The following AQP8 variants were observed in gnomAD, a reference collection of about 807,000 sequenced individuals.
The protein encoded by AQP8 is aquaporin-8.
Under a neutral mutation model 26.1 loss-of-function variants are expected in AQP8, and 14 were observed. The observed-to-expected ratio is 0.54, with a 90% CI of 0.35 to 0.84. AQP8 has a LOEUF of 0.84. AQP8 is among the 40% of genes least tolerant of loss of function. The probability of loss-of-function intolerance (pLI) is 0.01; values close to 1 mark genes in which losing one functional copy is unlikely to be tolerated. For synonymous variants in AQP8, 131 were observed against 150.7 expected (o/e 0.87, Z 0.96); for missense variants, 301 against 340.5 (o/e 0.88, Z 0.91).
intron 5 of AQP8, 27 bp downstream of exon 5, chr16:25,227,229 C>T (rs777374033): frequency 6.2e-7 from 1 of 1,613,288 alleles, no homozygotes; most frequent in East Asian, 2.2e-5. Flanking sequence ...GGGTCACCGG[C>T]CCATTGGATG....
chr16:25,225,734 C>G (rs1165305659), intron 4 of AQP8, among the ~76,000 whole-genome samples: 1 of 151,990 alleles, frequency 6.6e-6, no homozygotes, highest in Non-Finnish European at 1.5e-5. Flanking sequence ...GACTTCGAAG[C>G]TGGACACAGG....
At chr16:25,217,554 G>C in intron 2 of AQP8, 109 bp downstream of exon 2, 1 of 1,449,774 alleles carries the variant, frequency 6.9e-7, no homozygotes, top group Non-Finnish European at 9.3e-7. Context: ...GGATTTCAAG[G>C]AGCGCTCTGG....
At chr16:25,217,130 G>A in intron 1 of AQP8, 68 bp from the exon 2 acceptor site, 2 of 1,613,314 alleles carry the variant, frequency 1.2e-6, no homozygotes, top group South Asian at 2.2e-5. Context: ...TCAAGGTTGG[G>A]GGTCGGGGCC....
At chr16:25,225,453 T>C (rs946281295) in intron 4 of AQP8, among the ~76,000 whole-genome samples, 3 of 150,362 alleles carry the variant, frequency 2.0e-5, no homozygotes, top group Non-Finnish European at 4.4e-5. Context: ...CCTAGTGGTC[T>C]TTGATTCACT....
rs367789330 is a variant in AQP8 at position 25,228,425 on chromosome 16, T to C, written c.738-19T>C. The C allele has an allele frequency of 4.7e-5, 76 of 1,613,708 alleles. No homozygotes were observed. In the African/African-American group the frequency reaches 9.5e-4, roughly 20 times the overall value. ...CTCACCTCCGGGGCAGAGACCTTACTGGGTCATCTTTCTTGCAGGTGCTTC... is the reference window on the plus strand; with the variant it reads ...CTCACCTCCGGGGCAGAGACCTTACCGGGTCATCTTTCTTGCAGGTGCTTC... On this transcript the variant is annotated intron_variant, in intron 5 of 5. Transcript: ENST00000219660.
rs1024588443 is a variant in AQP8, at chr16:25,226,945, T to C, written c.603-123T>C. The C allele has an allele frequency of 8.5e-6, 12 of 1,405,124 alleles. No homozygotes were observed. The African/African-American group carries it at 1.3e-4, about 15-fold the overall frequency. The allele number at this position is 1,405,124 out of a possible 1,614,324, so 87.0% of individuals were successfully genotyped here. A position where few individuals can be genotyped will look rare whatever the true frequency, so the allele number is the denominator to read the frequency against. ...TCTTTAGGATCTACCCAGGAGCTCATGATGTAGGAGTTTAGAGAGGGTTTC... is the reference window on the plus strand; with the variant it reads ...TCTTTAGGATCTACCCAGGAGCTCACGATGTAGGAGTTTAGAGAGGGTTTC... On this transcript the variant is annotated intron_variant, in intron 4 of 5. Transcript: ENST00000219660.
At chr16:25,226,149 G>C (rs1338319180) in intron 4 of AQP8, among the ~76,000 whole-genome samples, 2 of 152,200 alleles carry the variant, frequency 1.3e-5, no homozygotes, top group Non-Finnish European at 2.9e-5. Context: ...TTTGGTACAG[G>C]CATGCAATGC....
Position 25,217,033 on chromosome 16 carries a change from C to A in AQP8, c.-13C>A. ...CTCAGGCAAGAGTCCGATGTTTGTG[C>A]CATCTGATCCTGATGTCTGGAGAGG... On this transcript the variant is annotated 5_prime_UTR_variant, in exon 1 of 6. Coordinates refer to ENST00000219660, the MANE Select transcript of AQP8 (RefSeq NM_001169.3). The A allele has an allele frequency of 6.2e-7, 1 of 1,613,990 alleles. No homozygotes were observed. Among genetic ancestry groups the A allele is most frequent in the Non-Finnish European group, 8.5e-7 (1 of 1,180,040 alleles).
chr16:25,218,882 A>AAAACAAAC (rs751686924), intron 2 of AQP8, among the ~76,000 whole-genome samples: 2 of 151,188 alleles, frequency 1.3e-5, no homozygotes, highest in South Asian at 4.1e-4. Flanking sequence ...CCATCTCCAA[A>AAAACAAAC]AAACAAACAA....
intron 4 of AQP8, among the ~76,000 whole-genome samples, chr16:25,226,146 C>T (rs1446917641): frequency 6.6e-6 from 1 of 152,202 alleles, no homozygotes. Context: ...TGTTTTGGTA[C>T]AGGCATGCAA....
chr16:25,218,442 C>A (rs1206034506), intron 2 of AQP8, among the ~76,000 whole-genome samples: 1 of 152,114 alleles, frequency 6.6e-6, no homozygotes, highest in East Asian at 1.9e-4. Context: ...GGAGAGCCAG[C>A]CATCACGACG....
chr16:25,218,617 C>T (rs7197826), intron 2 of AQP8, among the ~76,000 whole-genome samples: 215 of 152,350 alleles, frequency 1.4e-3, no homozygotes, highest in African/African-American at 5.0e-3. Context: ...CAGTGGCTCA[C>T]GCCTGTAATC....
At position 25,217,283 on chromosome 16, in the gene AQP8, G is replaced by A. The variant is rs147031036; in HGVS notation, c.98G>A (p.Arg33Gln). 1.5e-4 allele frequency: 244 copies of A among 1,614,070 alleles called. No homozygotes were observed. In the Middle Eastern group the frequency reaches 1.6e-3, roughly 11 times the overall value. The change falls in exon 2 of 6, where the codon CGG becomes CAG. Residue 33 changes from arginine (R) to glutamine (Q), a missense_variant. Transcript: ENST00000219660. ...GGRWRVSWYERFVQPCLVELL... is the reference protein window; with the variant it reads ...GGRWRVSWYEQFVQPCLVELL... ...AGGTGGCGAGTGTCCTGGTACGAACGGTTTGTGCAGCCATGTCTGGTCGAA... is the reference window on the plus strand; with the variant it reads ...AGGTGGCGAGTGTCCTGGTACGAACAGTTTGTGCAGCCATGTCTGGTCGAA...
intron 2 of AQP8, among the ~76,000 whole-genome samples, chr16:25,220,831 G>T (rs112659622): frequency 6.6e-6 from 1 of 152,076 alleles, no homozygotes; most frequent in Non-Finnish European, 1.5e-5. Flanking sequence ...TGGGTGGATC[G>T]CTTGAGGTCA....
Position 25,221,572 on chromosome 16 carries a change from G to A in AQP8, c.376G>A (p.Ala126Thr), listed in dbSNP as rs1484517546. The A allele has an allele frequency of 6.2e-7, 1 of 1,613,846 alleles. No individual in the cohort carries two copies. The highest frequency in any genetic ancestry group is 1.3e-5 in the African/African-American group (1 of 74,906). Residue 126 changes from alanine (A) to threonine (T), a missense_variant, in exon 3 of 6, where the codon GCC becomes ACC. Physicochemically the swap from Ala to Thr is moderately conservative, Grantham distance 58. Transcript: ENST00000219660. Reference protein sequence around the residue: ...SQLLGGMLGAALAKAVSPEER... With the variant: ...SQLLGGMLGATLAKAVSPEER... ...GCTGCTCGGGGGGATGCTCGGGGCT[G>A]CCTTGGCCAAGGTGGGTAAACCCCA...
At position 25,224,900 on chromosome 16, in the gene AQP8, G is replaced by A. The variant is rs373481027; in HGVS notation, c.602+324G>A. Among the ~76,000 whole-genome samples the A allele has an allele frequency of 5.9e-5, 9 of 152,342 alleles. 1 individual carries two copies. Among genetic ancestry groups the A allele is most frequent in the East Asian group, 1.9e-4 (1 of 5,194 alleles). On this transcript the variant is annotated intron_variant, in intron 4 of 5. Transcript: ENST00000219660. Reference sequence around the variant, plus strand: ...CGTAAATACAACATTTCTGTGAACTGTGTTCATTCGGTCAGCGGGCAGCCG... The same window carrying A: ...CGTAAATACAACATTTCTGTGAACTATGTTCATTCGGTCAGCGGGCAGCCG...
intron 2 of AQP8, among the ~76,000 whole-genome samples, chr16:25,218,005 G>A (rs939822432): frequency 1.4e-4 from 21 of 152,196 alleles, no homozygotes; most frequent in African/African-American, 5.1e-4. Context: ...GGTAGGTCCT[G>A]TTATTAGCCC....
chr16:25,222,895 C>T (rs1388910721), intron 3 of AQP8, among the ~76,000 whole-genome samples: 2 of 152,194 alleles, frequency 1.3e-5, no homozygotes, highest in Admixed American at 1.3e-4. Context: ...AAAGCAGTGG[C>T]CAGACTCGAG....
chr16:25,224,519 AG>A lies in AQP8; in HGVS notation c.548del (p.Gly183AlafsTer27), dbSNP rs1962606372. The A allele has an allele frequency of 6.2e-7, 1 of 1,613,794 alleles. No individual in the cohort carries two copies. Among genetic ancestry groups the A allele is most frequent in the African/African-American group, 1.3e-5 (1 of 74,942 alleles). ...ATGGGTGCCATCAATGAGAAGACAA[AG>A]GGCCCTCTGGCCCCGTTCTCCATCG... ...VCMGAINEKTKGPLAPFSIGF... is the reference protein window; with the variant it reads ...VCMGAINEKTXGPLAPFSIGF... On this transcript the variant is annotated frameshift_variant, in exon 4 of 6. Transcript: ENST00000219660. LOFTEE classifies it high-confidence loss of function.
Sources: gnomAD v4.1 joint callset for allele counts (sites outside exome capture counted in the v4.1 genomes callset) on GRCh38, gnomAD v4.1.1 for gene constraint, MANE v1.5 for transcripts, NCBI Gene and HGNC (gene_info 2026-07-23, HGNC 2026-07-21) for gene names.